FCHO2: variants seen among roughly 807,000 people sequenced by gnomAD.
The protein encoded by FCHO2 is FCH and mu domain containing endocytic adaptor 2.
FCHO2 carries 43 observed loss-of-function variants against 114.1 expected under a neutral mutation model. That is an observed-to-expected ratio of 0.38 (90% CI 0.30 to 0.49). The LOEUF is 0.49. Ranked by LOEUF, FCHO2 falls within the 20% of genes least tolerant of loss-of-function variation. The probability of loss-of-function intolerance (pLI) is 0.97; values close to 1 mark genes in which losing one functional copy is unlikely to be tolerated. For missense variants in FCHO2, 807 were observed against 950.4 expected (o/e 0.85, Z 1.98); for synonymous variants, 293 against 315.2 (o/e 0.93, Z 0.75).
intron 15 of FCHO2, chr5:73,055,126 G>T: frequency 3.0e-6 from 1 of 331,688 alleles, no homozygotes; most frequent in Non-Finnish European, 6.1e-6. Flanking sequence ...GAGTTTAAGA[G>T]ACCTAGTAAA....
chr5:73,072,590 C>T (rs1742709562), intron 19 of FCHO2, among the ~76,000 whole-genome samples: 1 of 152,066 alleles, frequency 6.6e-6, no homozygotes, highest in African/African-American at 2.4e-5. Context: ...GAAAGAAATT[C>T]TAACATGCTA....
intron 11 of FCHO2, among the ~76,000 whole-genome samples, chr5:73,048,630 C>T (rs1290918934): frequency 6.6e-6 from 1 of 151,994 alleles, no homozygotes. Flanking sequence ...AAATAATCTT[C>T]GATGAATAAC....
At chr5:72,970,279 G>A (rs1379588437) in intron 2 of FCHO2, among the ~76,000 whole-genome samples, 1 of 152,110 alleles carries the variant, frequency 6.6e-6, no homozygotes, top group Non-Finnish European at 1.5e-5. Context: ...TCTCACAGGA[G>A]AACATAGAAA....
At chr5:73,086,307 T>C (rs938582007) in intron 24 of FCHO2, among the ~76,000 whole-genome samples, 2 of 152,212 alleles carry the variant, frequency 1.3e-5, no homozygotes, top group Non-Finnish European at 2.9e-5. Context: ...AGGGCCTGGA[T>C]AGTAATTAAG....
chr5:73,081,445 A>C (rs532941010), intron 22 of FCHO2, among the ~76,000 whole-genome samples: 1 of 152,334 alleles, frequency 6.6e-6, no homozygotes, highest in South Asian at 2.1e-4. Flanking sequence ...ATGTTGGAAG[A>C]TTCGCAAACT....
intron 7 of FCHO2, among the ~76,000 whole-genome samples, chr5:73,016,141 A>G (rs1418303886): frequency 1.3e-5 from 2 of 152,074 alleles, no homozygotes; most frequent in African/African-American, 2.4e-5. Flanking sequence ...TAGTAGAGAA[A>G]GATGAAGTCT....
At chr5:73,077,587 T>G (rs765257493) in intron 21 of FCHO2, 94 bp downstream of exon 21, 2 of 1,349,576 alleles carry the variant, frequency 1.5e-6, no homozygotes, top group South Asian at 3.3e-5. Context: ...CCCAGCAGTT[T>G]GGGAGGCTGA....
At position 73,090,326 on chromosome 5, in the gene FCHO2, T is replaced by G. The variant is rs1053867637; in HGVS notation, c.*2236T>G. 2.0e-5 allele frequency: 3 copies of G among 152,614 alleles called. No individual in the cohort carries two copies. The highest frequency in any genetic ancestry group is 4.4e-5 in the Non-Finnish European group (3 of 68,006). 9.5% of individuals were successfully genotyped at this position (152,614 alleles called of 1,614,324 possible). A position where few individuals can be genotyped will look rare whatever the true frequency, so the allele number is the denominator to read the frequency against. ...TATATATAGTGATAAACTTTGTAGC[T>G]GCCTCTTTAACCAAGAATTTGTAAA... On this transcript the variant is annotated 3_prime_UTR_variant, in exon 26 of 26. Coordinates refer to ENST00000430046, the MANE Select transcript of FCHO2 (RefSeq NM_138782.3).
At chr5:73,077,107 AGAGTTT>A (rs1199634903) in intron 20 of FCHO2, among the ~76,000 whole-genome samples, 1 of 152,226 alleles carries the variant, frequency 6.6e-6, no homozygotes, top group South Asian at 2.1e-4. Flanking sequence ...ATTTGTGTTT[AGAGTTT>A]AATTCCAGGA....
intron 5 of FCHO2, among the ~76,000 whole-genome samples, chr5:72,998,270 G>A (rs1353838062): frequency 2.0e-5 from 3 of 151,998 alleles, no homozygotes; most frequent in East Asian, 1.9e-4. Context: ...GGTGGATCAC[G>A]AGGTCAGGAG....
At chr5:72,996,307 T>C (rs920419747) in intron 5 of FCHO2, among the ~76,000 whole-genome samples, 2 of 149,724 alleles carry the variant, frequency 1.3e-5, no homozygotes, top group Non-Finnish European at 3.0e-5. Context: ...GTAGTTTAAA[T>C]AAATATTACT....
chr5:73,068,148 T>C (rs1742451262), intron 18 of FCHO2, among the ~76,000 whole-genome samples: 1 of 152,110 alleles, frequency 6.6e-6, no homozygotes, highest in South Asian at 2.1e-4. Context: ...GCTCAGATAA[T>C]ACTAAAACCT....
chr5:73,022,187 G>A (rs760572265), intron 8 of FCHO2, among the ~76,000 whole-genome samples: 41 of 152,158 alleles, frequency 2.7e-4, no homozygotes, highest in Non-Finnish European at 5.7e-4. Flanking sequence ...GACCTTAAAT[G>A]TGAACCTAAA....
intron 6 of FCHO2, among the ~76,000 whole-genome samples, chr5:73,014,405 C>T (rs946676035): frequency 6.6e-6 from 1 of 151,178 alleles, no homozygotes; most frequent in Admixed American, 6.6e-5. Flanking sequence ...TCTCCTGCCT[C>T]AGCCTGCCAA....
intron 8 of FCHO2, chr5:73,021,043 TG>T: frequency 9.1e-7 from 1 of 1,104,840 alleles, no homozygotes; most frequent in Non-Finnish European, 1.4e-6. Context: ...CATGAATCCA[TG>T]GAAGTTTACC....
At chr5:73,067,956 G>A (rs1742438101) in intron 18 of FCHO2, among the ~76,000 whole-genome samples, 1 of 151,910 alleles carries the variant, frequency 6.6e-6, no homozygotes, top group South Asian at 2.1e-4. Context: ...TTAGAAAATT[G>A]GGAAGACAAC....
intron 5 of FCHO2, chr5:72,997,502 A>G: frequency 6.8e-7 from 1 of 1,461,530 alleles, no homozygotes; most frequent in Non-Finnish European, 9.6e-7. Context: ...CCATCCAGAC[A>G]AGGCCATCAC....
At chr5:72,960,656 G>A (rs1751807079) in intron 1 of FCHO2, among the ~76,000 whole-genome samples, 1 of 152,058 alleles carries the variant, frequency 6.6e-6, no homozygotes, top group African/African-American at 2.4e-5. Flanking sequence ...ATAGTCTTGA[G>A]ATTATAACAA....
At chr5:73,003,202 T>C (rs1351248240) in intron 5 of FCHO2, among the ~76,000 whole-genome samples, 1 of 151,990 alleles carries the variant, frequency 6.6e-6, no homozygotes, top group Admixed American at 6.6e-5. Context: ...TTTTGGAGAA[T>C]GGGGTCTTGC....
Sources: allele counts gnomAD v4.1 joint callset (sites outside exome capture counted in the v4.1 genomes callset), GRCh38; gene constraint gnomAD v4.1.1; transcripts MANE v1.5; gene names NCBI Gene and HGNC (gene_info 2026-07-23, HGNC 2026-07-21).